Variants in ATP10A observed in about 807,000 individuals in gnomAD.
ATP10A encodes the protein phospholipid-transporting ATPase VA.
In ATP10A, 111 loss-of-function variants were observed where a neutral mutation model predicts 147.8. The observed-to-expected ratio is 0.75, with a 90% CI of 0.64 to 0.88. The LOEUF is 0.88. Ranked by LOEUF, ATP10A falls within the 40% of genes least tolerant of loss-of-function variation. ATP10A has a pLI of 0.00. For missense variants in ATP10A, 1,927 were observed against 1,959.0 expected, an observed-to-expected ratio of 0.98 and a Z score of 0.31; for synonymous variants, 875 against 841.6, an observed-to-expected ratio of 1.04 and a Z score of -0.69.
In ATP10A at chr15:25,694,918, G is replaced by A. The variant is rs1298919388; in HGVS notation, c.2989C>T (p.Gln997Ter). The change falls in exon 14 of 21, where the codon CAG (glutamine) becomes TAG (stop). Residue 997 changes from glutamine (Q) to a stop codon, truncating the protein, a stop_gained. Coordinates refer to ENST00000555815, the MANE Select transcript of ATP10A (RefSeq NM_024490.4). LOFTEE classifies it high-confidence loss of function. ...LEDKFLFLAK[Q>*]CRSVLCCRST... ...CGACAGCAGAGGACGGAGCGGCACT[G>A]CTTGGCAAGGAAGAGGAATTTGTCC... The A allele has an allele frequency of 6.2e-7, 1 of 1,614,192 alleles. No homozygotes were observed. The highest frequency in any genetic ancestry group is 8.5e-7 in the Non-Finnish European group (1 of 1,180,048).
At position 25,679,453 on chromosome 15, in the gene ATP10A, G is replaced by A. The variant is rs1899242283; in HGVS notation, c.4388C>T (p.Ala1463Val). Residue 1463 changes from alanine to valine, a missense_variant, in exon 21 of 21, where the codon GCA (alanine) becomes GTA (valine). Ala to Val is a moderately conservative substitution (Grantham distance 64). Coordinates refer to ENST00000555815, the MANE Select transcript of ATP10A (RefSeq NM_024490.4). ...VLQFSRTEQL[A>V]DGQAGRGLPV... ...AAGTCCACGTCCCGCTTGTCCATCT[G>A]CAAGCTGCTCCGTCCGGGAGAACTG... 6.2e-7 allele frequency: 1 copy of A among 1,613,950 alleles called. No homozygotes were observed. The highest frequency in any genetic ancestry group is 1.1e-5 in the South Asian group (1 of 91,086).
upstream of ATP10A, among the ~76,000 whole-genome samples, chr15:25,864,036 G>A (rs1397177264): frequency 6.6e-6 from 1 of 152,154 alleles, no homozygotes; most frequent in Non-Finnish European, 1.5e-5. Flanking sequence ...TTCCCTCCCT[G>A]GGAAATCATG....
intron 1 of ATP10A, among the ~76,000 whole-genome samples, chr15:25,836,210 A>G (rs1355107849): frequency 6.6e-6 from 1 of 152,130 alleles, no homozygotes; most frequent in Non-Finnish European, 1.5e-5. Context: ...CGGCCTCCCA[A>G]AGTACTGGGA....
In ATP10A at chr15:25,863,052, TCCCGG is replaced by T; in HGVS notation, c.40_44del (p.Pro14ThrfsTer173). 1 of 1,254,022 alleles carries T rather than the reference TCCCGG, an allele frequency of 8.0e-7. No individual in the cohort carries two copies. Among genetic ancestry groups the T allele is most frequent in the Non-Finnish European group, 1.0e-6 (1 of 1,003,014 alleles). The allele number at this position is 1,254,022 out of a possible 1,614,324, so 77.7% of individuals were successfully genotyped here. A position where few individuals can be genotyped will look rare whatever the true frequency, so the allele number is the denominator to read the frequency against. ...TCCTGCCCTCTCGGCGCCTCCGCCGTCCCGGAGGCCCGGGCTCCTCGGTCCCCGCC... is the reference window on the plus strand; with the variant it reads ...TCCTGCCCTCTCGGCGCCTCCGCCGTAGGCCCGGGCTCCTCGGTCCCCGCC... On this transcript the variant is annotated frameshift_variant, in exon 1 of 21. Coordinates refer to ENST00000555815, the MANE Select transcript of ATP10A (RefSeq NM_024490.4). LOFTEE classifies it high-confidence loss of function.
downstream of ATP10A, among the ~76,000 whole-genome samples, chr15:25,673,302 C>T (rs987230559): frequency 6.6e-6 from 1 of 152,190 alleles, no homozygotes; most frequent in South Asian, 2.1e-4. Flanking sequence ...GTCATGGACA[C>T]TCCTTGGCAG....
chr15:25,682,575 G>C (rs1035103514), intron 17 of ATP10A, among the ~76,000 whole-genome samples: 1 of 152,186 alleles, frequency 6.6e-6, no homozygotes, highest in East Asian at 1.9e-4. Flanking sequence ...GCCTGGCCAA[G>C]GATGGGAACT....
At chr15:25,672,587 T>C (rs992231348), downstream of ATP10A, among the ~76,000 whole-genome samples, 3 of 152,162 alleles carry the variant, frequency 2.0e-5, no homozygotes, top group Admixed American at 1.3e-4. Context: ...AGCTGTGCCA[T>C]TTTGCATTCC....
chr15:25,862,091 G>A, intron 1 of ATP10A: 1 of 332,288 alleles, frequency 3.0e-6, no homozygotes, highest in South Asian at 2.2e-5. Context: ...GCGGCTCATG[G>A]CTCACAGTGG....
chr15:25,752,214 T>C lies in ATP10A; in HGVS notation c.655-16073A>G, dbSNP rs181417423. Among the ~76,000 whole-genome samples the C allele has an allele frequency of 8.5e-4, 130 of 152,306 alleles. 1 individual carries two copies. The highest frequency in any genetic ancestry group is 5.6e-4 in the Non-Finnish European group (38 of 68,016). On this transcript the variant is annotated intron_variant, in intron 2 of 20. Transcript: ENST00000555815. ...TGCCAAAGAGATGTCTGCACTCCCATGTTCATTGAAGCATTATTTACAATA... is the reference window on the plus strand; with the variant it reads ...TGCCAAAGAGATGTCTGCACTCCCACGTTCATTGAAGCATTATTTACAATA...
chr15:25,687,592 AGGTTGTCCAT>A, intron 16 of ATP10A, 101 bp downstream of exon 16: 1 of 587,310 alleles, frequency 1.7e-6, no homozygotes, highest in Non-Finnish European at 2.2e-6. Context: ...AGGATGGAGC[AGGTTGTCCAT>A]GGCCTCCCAT....
At position 25,747,596 on chromosome 15, in the gene ATP10A, A is replaced by G. The variant is rs118002157; in HGVS notation, c.655-11455T>C. ...CATACATCAACAGGTTAAAAGTGTTATGTGAACAACTGAATGCTAATAAAT... is the reference window on the plus strand; with the variant it reads ...CATACATCAACAGGTTAAAAGTGTTGTGTGAACAACTGAATGCTAATAAAT... On this transcript the variant is annotated intron_variant, in intron 2 of 20. Transcript: ENST00000555815. Among the ~76,000 whole-genome samples, 402 of 152,308 alleles carry G rather than the reference A, an allele frequency of 2.6e-3. 4 individuals are homozygous for G. The highest frequency in any genetic ancestry group is 1.9e-3 in the Non-Finnish European group (130 of 68,012).
chr15:25,756,977 A>G (rs1324464134), intron 2 of ATP10A, among the ~76,000 whole-genome samples: 2 of 152,248 alleles, frequency 1.3e-5, no homozygotes, highest in East Asian at 3.8e-4. Flanking sequence ...AACTGTTAAA[A>G]TGAGTAAATT....
chr15:25,823,992 A>G (rs1892001571), intron 1 of ATP10A, among the ~76,000 whole-genome samples: 1 of 152,210 alleles, frequency 6.6e-6, no homozygotes, highest in South Asian at 2.1e-4. Context: ...GCAGTGCATT[A>G]GCAGAACAGC....
At chr15:25,803,076 T>G (rs575570220) in intron 1 of ATP10A, among the ~76,000 whole-genome samples, 2 of 152,284 alleles carry the variant, frequency 1.3e-5, no homozygotes, top group African/African-American at 4.8e-5. Flanking sequence ...TGAGGTGAGA[T>G]AATTCCTGGC....
Position 25,679,468 on chromosome 15 carries a change from C to A in ATP10A, c.4373G>T (p.Arg1458Leu), listed in dbSNP as rs201372264. The A allele has an allele frequency of 6.2e-7, 1 of 1,613,914 alleles. No individual in the cohort carries two copies. The highest frequency in any genetic ancestry group is 8.5e-7 in the Non-Finnish European group (1 of 1,180,002). Residue 1458 changes from arginine (R) to leucine (L), a missense_variant, in exon 21 of 21, where the codon CGG (arginine) becomes CTG (leucine). Coordinates refer to ENST00000555815, the MANE Select transcript of ATP10A (RefSeq NM_024490.4). ...TTGTCCATCTGCAAGCTGCTCCGTC[C>A]GGGAGAACTGTAAGACACTCCCCAG... ...SRLGSVLQFS[R>L]TEQLADGQAG...
At chr15:25,726,558 C>T (rs922004252) in intron 4 of ATP10A, among the ~76,000 whole-genome samples, 36 of 151,752 alleles carry the variant, frequency 2.4e-4, no homozygotes, top group Non-Finnish European at 4.0e-4. Flanking sequence ...TCTCCTGCCT[C>T]GGCCTCCCTA....
At chr15:25,763,137 C>T (rs1463894278) in intron 2 of ATP10A, among the ~76,000 whole-genome samples, 1 of 152,108 alleles carries the variant, frequency 6.6e-6, no homozygotes, top group Non-Finnish European at 1.5e-5. Flanking sequence ...GAAAGGGAAG[C>T]TTATTTTTGT....
At chr15:25,672,989 C>T (rs555168872), downstream of ATP10A, among the ~76,000 whole-genome samples, 1 of 152,232 alleles carries the variant, frequency 6.6e-6, no homozygotes, top group East Asian at 1.9e-4. Context: ...TGCACGGCCA[C>T]ATCCCAAGCG....
chr15:25,728,999 C>T (rs11629540), intron 3 of ATP10A, among the ~76,000 whole-genome samples: 145,001 of 152,236 alleles, frequency 0.95, 69,428 homozygotes, highest in East Asian at 1. Context: ...CGGCCGAGGG[C>T]GACACAGGCC....
Sources: gnomAD v4.1 joint callset for allele counts (sites outside exome capture counted in the v4.1 genomes callset) on GRCh38, gnomAD v4.1.1 for gene constraint, MANE v1.5 for transcripts, NCBI Gene and HGNC (gene_info 2026-07-23, HGNC 2026-07-21) for gene names.